Variants in TBC1D5 observed in about 807,000 individuals in gnomAD.
TBC1D5 encodes the protein TBC1 domain family, member 5.
In TBC1D5, 75 loss-of-function variants were observed where a neutral mutation model predicts 100.3. The observed-to-expected ratio is 0.75, with a 90% CI of 0.62 to 0.91. The LOEUF (loss-of-function observed/expected upper bound fraction) is 0.91, where lower values mean the gene tolerates loss of function less well. TBC1D5 is among the 40% of genes least tolerant of loss of function. The probability of loss-of-function intolerance (pLI) is 0.00; values close to 1 mark genes in which losing one functional copy is unlikely to be tolerated. For missense variants in TBC1D5, 910 were observed against 942.4 expected (o/e 0.97, Z 0.45); for synonymous variants, 323 against 325.6 (o/e 0.99, Z 0.09).
chr3:17,361,800 G>A (rs1001949767), intron 13 of TBC1D5, among the ~76,000 whole-genome samples: 1 of 152,000 alleles, frequency 6.6e-6, no homozygotes, highest in South Asian at 2.1e-4. Flanking sequence ...AAGGTCTGAA[G>A]TCAATAATCT....
Position 17,674,794 on chromosome 3 carries a change from T to C in TBC1D5, c.-100-50881A>G, listed in dbSNP as rs903242242. On this transcript the variant is annotated intron_variant, in intron 1 of 21. Transcript: ENST00000253692. ...AAAGATGGAAGTTGGGGAGATGAAGTGATAGAGATGGTCTAAGTGGTACAC... is the reference window on the plus strand; with the variant it reads ...AAAGATGGAAGTTGGGGAGATGAAGCGATAGAGATGGTCTAAGTGGTACAC... 3.3e-5 allele frequency among the ~76,000 whole-genome samples: 5 copies of C among 152,094 alleles called. No individual in the cohort carries two copies. The East Asian group carries it at 9.6e-4, about 29-fold the overall frequency.
chr3:17,734,686 T>C (rs978449789), intron 1 of TBC1D5, among the ~76,000 whole-genome samples: 3 of 152,196 alleles, frequency 2.0e-5, no homozygotes, highest in African/African-American at 7.2e-5. Context: ...ACAAAAATGA[T>C]AATCCCAATA....
At chr3:17,679,739 A>G (rs2069183128) in intron 1 of TBC1D5, among the ~76,000 whole-genome samples, 1 of 151,620 alleles carries the variant, frequency 6.6e-6, no homozygotes, top group South Asian at 2.1e-4. Context: ...AAATTATCAG[A>G]TTCTTCATTT....
chr3:17,176,649 G>A (rs1163917993), intron 19 of TBC1D5, among the ~76,000 whole-genome samples: 4 of 152,182 alleles, frequency 2.6e-5, no homozygotes, highest in Middle Eastern at 3.4e-3. Context: ...GGGGCCTGTT[G>A]GAGGGTGAGG....
intron 2 of TBC1D5, among the ~76,000 whole-genome samples, chr3:17,567,362 C>A (rs923389837): frequency 6.6e-6 from 1 of 151,590 alleles, no homozygotes; most frequent in Non-Finnish European, 1.5e-5. Context: ...TTGTTCAAAC[C>A]CTTACTAACT....
intron 2 of TBC1D5, among the ~76,000 whole-genome samples, chr3:17,579,056 T>C (rs969001635): frequency 2.0e-5 from 3 of 152,226 alleles, no homozygotes; most frequent in Middle Eastern, 3.4e-3. Flanking sequence ...TTATTGTTCA[T>C]ACCACTTATA....
chr3:17,657,587 G>T (rs534244892), intron 1 of TBC1D5, among the ~76,000 whole-genome samples: 1 of 151,870 alleles, frequency 6.6e-6, no homozygotes, highest in Non-Finnish European at 1.5e-5. Context: ...TGCCCGCCTC[G>T]GCCTCCCAAA....
intron 3 of TBC1D5, among the ~76,000 whole-genome samples, chr3:17,496,078 A>G (rs1385501958): frequency 6.6e-6 from 1 of 152,136 alleles, no homozygotes; most frequent in Admixed American, 6.5e-5. Context: ...TTTACAGCTA[A>G]CAGCTCTACC....
intron 1 of TBC1D5, among the ~76,000 whole-genome samples, chr3:17,733,149 G>A (rs898130409): frequency 2.0e-5 from 3 of 152,036 alleles, no homozygotes; most frequent in African/African-American, 7.3e-5. Context: ...GCAGAAAGGG[G>A]GCCAGAGAAA....
At chr3:17,315,092 T>C (rs997266114) in intron 13 of TBC1D5, among the ~76,000 whole-genome samples, 1 of 152,200 alleles carries the variant, frequency 6.6e-6, no homozygotes, top group African/African-American at 2.4e-5. Context: ...ATAAGACCCA[T>C]ACATAGGAAG....
chr3:17,727,250 G>A (rs1035632998), intron 1 of TBC1D5, among the ~76,000 whole-genome samples: 2 of 152,020 alleles, frequency 1.3e-5, no homozygotes, highest in Non-Finnish European at 2.9e-5. Context: ...GCACGGTGGC[G>A]CATGCCTGTA....
At chr3:17,323,477 A>T (rs2085692345) in intron 13 of TBC1D5, among the ~76,000 whole-genome samples, 3 of 151,944 alleles carry the variant, frequency 2.0e-5, no homozygotes, top group Non-Finnish European at 4.4e-5. Context: ...ACAACTGTAC[A>T]AAAACAAAAC....
intron 17 of TBC1D5, chr3:17,233,691 G>A: frequency 6.5e-7 from 1 of 1,528,414 alleles, no homozygotes; most frequent in Non-Finnish European, 8.9e-7. Context: ...GTACCTTGGA[G>A]GTCAGTTAGA....
intron 9 of TBC1D5, among the ~76,000 whole-genome samples, chr3:17,377,423 G>C (rs377227865): frequency 1.3e-5 from 2 of 152,110 alleles, no homozygotes; most frequent in South Asian, 2.1e-4. Context: ...TTTGCTAATT[G>C]AGATTTCTTT....
At chr3:17,291,432 T>C (rs544330179) in intron 15 of TBC1D5, among the ~76,000 whole-genome samples, 1 of 152,352 alleles carries the variant, frequency 6.6e-6, no homozygotes, top group South Asian at 2.1e-4. Context: ...GAAATATTAA[T>C]ACATATCATA....
At chr3:17,389,290 C>T (rs1176258366) in intron 8 of TBC1D5, among the ~76,000 whole-genome samples, 2 of 152,086 alleles carry the variant, frequency 1.3e-5, no homozygotes, top group Admixed American at 6.6e-5. Flanking sequence ...CAAGATTCTT[C>T]TTGTCTCATC....
At chr3:17,416,781 A>G (rs936345634) in intron 4 of TBC1D5, among the ~76,000 whole-genome samples, 2 of 152,088 alleles carry the variant, frequency 1.3e-5, no homozygotes, top group Non-Finnish European at 2.9e-5. Context: ...TTTCACACAC[A>G]TACCTGAAAG....
At position 17,300,169 on chromosome 3, in the gene TBC1D5, T is replaced by G. The variant is rs1333836915; in HGVS notation, c.1138+7823A>C. 3.3e-5 allele frequency among the ~76,000 whole-genome samples: 5 copies of G among 152,292 alleles called. No individual in the cohort carries two copies. The East Asian group carries it at 9.6e-4, about 29-fold the overall frequency. On this transcript the variant is annotated intron_variant, in intron 14 of 21. Coordinates refer to ENST00000253692, the Ensembl canonical transcript of TBC1D5. ...AAACGGTGTTTGTAACAGGGTACAT[T>G]AATATAAATATCTGATATAATCATA...
chr3:17,370,938 C>T (rs1413139985), intron 13 of TBC1D5, among the ~76,000 whole-genome samples: 1 of 152,136 alleles, frequency 6.6e-6, no homozygotes, highest in African/African-American at 2.4e-5. Flanking sequence ...AACTGCCTAG[C>T]ACTACATATA....
Sources: allele counts gnomAD v4.1 joint callset (sites outside exome capture counted in the v4.1 genomes callset), GRCh38; gene constraint gnomAD v4.1.1; transcripts MANE v1.5; gene names NCBI Gene and HGNC (gene_info 2026-07-23, HGNC 2026-07-21).